Variants in SLC67A2 observed in about 807,000 individuals in gnomAD.
SLC67A2 encodes the protein solute carrier family 67 member 2, also known as solute carrier family 67 member A2.
At chr2:102,731,046 T>A in the SLC67A2 span, 2 of 1,613,778 alleles carry the variant, frequency 1.2e-6, no homozygotes, top group Non-Finnish European at 1.7e-6. Flanking sequence ...TAGAAAAGAG[T>A]TGCAAAATGC....
the SLC67A2 span, among the ~76,000 whole-genome samples, chr2:102,723,390 A>C: frequency 6.6e-6 from 1 of 152,166 alleles, no homozygotes; most frequent in Non-Finnish European, 1.5e-5. Context: ...AATCGCTTGA[A>C]TCTGGGACGG....
At chr2:102,718,374 C>T in the SLC67A2 span, 1 of 1,602,252 alleles carries the variant, frequency 6.2e-7, no homozygotes, top group Admixed American at 1.7e-5. Context: ...CTCCGGCCCT[C>T]ATTCAACCAT....
the SLC67A2 span, among the ~76,000 whole-genome samples, chr2:102,722,387 A>G: frequency 6.6e-6 from 1 of 152,254 alleles, no homozygotes; most frequent in Admixed American, 6.5e-5. Flanking sequence ...GGGTCTGCCC[A>G]TCACCTACCA....
chr2:102,721,899 T>G, the SLC67A2 span, among the ~76,000 whole-genome samples: 1 of 152,016 alleles, frequency 6.6e-6, no homozygotes, highest in Non-Finnish European at 1.5e-5. Context: ...GTAGACAGGG[T>G]CTCACTATCT....
chr2:102,727,569 T>C, the SLC67A2 span, among the ~76,000 whole-genome samples: 13 of 152,230 alleles, frequency 8.5e-5, no homozygotes, highest in Admixed American at 6.5e-4. Flanking sequence ...ATAGTTTTGT[T>C]AGATTTTTGC....
chr2:102,718,635 C>T, the SLC67A2 span: 21 of 1,613,710 alleles, frequency 1.3e-5, no homozygotes, highest in Non-Finnish European at 1.8e-5. Flanking sequence ...GCCTGGGCCC[C>T]GCCCACAGTC....
At chr2:102,719,052 G>A in the SLC67A2 span, 1 of 1,614,208 alleles carries the variant, frequency 6.2e-7, no homozygotes, top group Non-Finnish European at 8.5e-7. Context: ...ACCCAGGGCT[G>A]GGCAGTCTTC....
At chr2:102,718,662 T>G in the SLC67A2 span, 1 of 1,613,790 alleles carries the variant, frequency 6.2e-7, no homozygotes, top group Non-Finnish European at 8.5e-7. Context: ...AGGTCCGTGA[T>G]GCACGTCCTG....
chr2:102,736,495 C>T, the SLC67A2 span: 22 of 1,536,628 alleles, frequency 1.4e-5, no homozygotes, highest in Non-Finnish European at 1.9e-5. Context: ...GGTGATAGGG[C>T]AAGAGGAGAG....
the SLC67A2 span, among the ~76,000 whole-genome samples, chr2:102,724,704 T>A: frequency 4.6e-5 from 7 of 152,194 alleles, no homozygotes; most frequent in African/African-American, 1.7e-4. Context: ...ATCACTCAAG[T>A]GTGATGTGAC....
At chr2:102,722,104 G>A in the SLC67A2 span, among the ~76,000 whole-genome samples, 3 of 152,194 alleles carry the variant, frequency 2.0e-5, no homozygotes, top group Admixed American at 6.5e-5. Context: ...CAAAGAGAAC[G>A]TAAGCAGTAA....
chr2:102,716,983 T>C, the SLC67A2 span: 3 of 152,190 alleles, frequency 2.0e-5, no homozygotes, highest in South Asian at 2.1e-4. Context: ...AATATTTCCG[T>C]TGATCAACAG....
At chr2:102,715,466 AG>A in the SLC67A2 span, among the ~76,000 whole-genome samples, 1 of 152,040 alleles carries the variant, frequency 6.6e-6, no homozygotes, top group African/African-American at 2.4e-5. Flanking sequence ...TCACTCCCCA[AG>A]GGGCCATCCA....
the SLC67A2 span, among the ~76,000 whole-genome samples, chr2:102,734,356 T>A: frequency 4.6e-5 from 7 of 152,188 alleles, no homozygotes; most frequent in Admixed American, 4.6e-4. Context: ...CATCTAAGCA[T>A]CCTAAACAAA....
chr2:102,732,796 G>A, the SLC67A2 span, among the ~76,000 whole-genome samples: 2 of 152,186 alleles, frequency 1.3e-5, no homozygotes, highest in African/African-American at 4.8e-5. Context: ...CCTAGGACCT[G>A]TAGTTTATAA....
chr2:102,715,230 G>A, the SLC67A2 span, among the ~76,000 whole-genome samples: 2 of 152,128 alleles, frequency 1.3e-5, no homozygotes, highest in African/African-American at 2.4e-5. Flanking sequence ...GCACTTTACC[G>A]CAGGAATTCT....
the SLC67A2 span, among the ~76,000 whole-genome samples, chr2:102,729,000 A>G: frequency 1.3e-5 from 2 of 152,172 alleles, no homozygotes; most frequent in African/African-American, 4.8e-5. Flanking sequence ...AAATACATTT[A>G]TTTAAAAACA....
chr2:102,720,833 C>T, the SLC67A2 span, among the ~76,000 whole-genome samples: 13 of 152,100 alleles, frequency 8.5e-5, no homozygotes, highest in African/African-American at 2.2e-4. Context: ...AAGAAGCTAA[C>T]GGAGTAAAAG....
chr2:102,726,902 G>A, the SLC67A2 span: 1 of 1,613,224 alleles, frequency 6.2e-7, no homozygotes, highest in South Asian at 1.1e-5. Flanking sequence ...CCGAGAAGGA[G>A]ATAGCCCAGA....
Sources: allele counts gnomAD v4.1 joint callset (sites outside exome capture counted in the v4.1 genomes callset), GRCh38; gene constraint gnomAD v4.1.1; transcripts MANE v1.5; gene names NCBI Gene and HGNC (gene_info 2026-07-23, HGNC 2026-07-21).